The following C4orf36 variants were observed in gnomAD, a reference collection of about 807,000 sequenced individuals.
C4orf36 encodes the protein uncharacterized protein C4orf36.
Under a neutral mutation model 12.2 loss-of-function variants are expected in C4orf36, and 11 were observed. That is an observed-to-expected ratio of 0.90 (90% confidence interval 0.57 to 1.49). C4orf36 has a LOEUF of 1.49. C4orf36 is among the 40% of genes most tolerant of loss of function. The probability of loss-of-function intolerance (pLI) is 0.00; values close to 1 mark genes in which losing one functional copy is unlikely to be tolerated. For synonymous variants in C4orf36, 54 were observed against 51.3 expected (o/e 1.05, Z -0.22); for missense variants, 137 against 133.9 (o/e 1.02, Z -0.11).
chr4:86,880,481 G>A (rs995137074), intron 4 of C4orf36, among the ~76,000 whole-genome samples: 1 of 152,136 alleles, frequency 6.6e-6, no homozygotes, highest in African/African-American at 2.4e-5. Flanking sequence ...CAGGCCAGAA[G>A]GGAGTGAGGT....
At chr4:86,918,839 G>A in the C4orf36 span, among the ~76,000 whole-genome samples, 1 of 150,972 alleles carries the variant, frequency 6.6e-6, no homozygotes, top group East Asian at 1.9e-4. Context: ...GTGTGTGCAC[G>A]TGATATGGGG....
At chr4:86,920,013 A>G in the C4orf36 span, among the ~76,000 whole-genome samples, 1 of 152,212 alleles carries the variant, frequency 6.6e-6, no homozygotes, top group Non-Finnish European at 1.5e-5. Context: ...TGGGTGACAG[A>G]GCAAGATCCT....
chr4:86,905,532 G>A, the C4orf36 span, among the ~76,000 whole-genome samples: 1 of 152,112 alleles, frequency 6.6e-6, no homozygotes, highest in South Asian at 2.1e-4. Flanking sequence ...TAGCTTGGGT[G>A]ACAGAGCAAG....
chr4:86,914,098 A>G, the C4orf36 span: 1 of 1,607,664 alleles, frequency 6.2e-7, no homozygotes, highest in South Asian at 1.1e-5. Flanking sequence ...TTGCTCACCC[A>G]CCAGTCATTT....
At chr4:86,924,794 G>A in the C4orf36 span, 6 of 152,190 alleles carry the variant, frequency 3.9e-5, no homozygotes, top group Non-Finnish European at 7.3e-5. Flanking sequence ...TAACATATTT[G>A]TGTGCTAGCA....
chr4:86,934,019 CA>C, the C4orf36 span, among the ~76,000 whole-genome samples: 1 of 152,122 alleles, frequency 6.6e-6, no homozygotes, highest in African/African-American at 2.4e-5. Flanking sequence ...AAGAGTTGAG[CA>C]GAGCAGTAGA....
the C4orf36 span, among the ~76,000 whole-genome samples, chr4:86,919,149 A>AGAGAGAGAGAGAGAGAGAG: frequency 2.1e-5 from 3 of 140,206 alleles, no homozygotes; most frequent in African/African-American, 7.8e-5. Context: ...AGAGAGAGAG[A>AGAGAGAGAGAGAGAGAGAG]AATCCTTTTC....
intron 2 of C4orf36, chr4:86,890,206 G>GAA (rs765343192): frequency 6.0e-4 from 183 of 305,924 alleles, no homozygotes; most frequent in Non-Finnish European, 9.6e-4. Flanking sequence ...AGGGAGGGAG[G>GAA]GAGGAAGGAA....
At chr4:86,925,538 T>G in the C4orf36 span, 1 of 151,424 alleles carries the variant, frequency 6.6e-6, no homozygotes, top group Non-Finnish European at 1.5e-5. Flanking sequence ...ACAATTTGAA[T>G]GATAATTTAT....
At chr4:86,911,244 GAGA>G in the C4orf36 span, among the ~76,000 whole-genome samples, 1 of 152,312 alleles carries the variant, frequency 6.6e-6, no homozygotes, top group Middle Eastern at 3.4e-3. Context: ...CGGGATGGAG[GAGA>G]CTTACACTGG....
the C4orf36 span, chr4:86,934,591 A>C: frequency 6.6e-6 from 1 of 152,224 alleles, no homozygotes; most frequent in African/African-American, 2.4e-5. Flanking sequence ...GCCTTTTCTA[A>C]ATTGTAAAGC....
At chr4:86,930,833 C>T in the C4orf36 span, among the ~76,000 whole-genome samples, 3 of 152,120 alleles carry the variant, frequency 2.0e-5, no homozygotes, top group Non-Finnish European at 1.5e-5. Context: ...GCAAAGTATT[C>T]ATCACAAAAT....
At chr4:86,915,939 G>A in the C4orf36 span, among the ~76,000 whole-genome samples, 6 of 152,190 alleles carry the variant, frequency 3.9e-5, no homozygotes, top group Non-Finnish European at 8.8e-5. Flanking sequence ...GCTAGGAAGA[G>A]GGAATGAACA....
chr4:86,919,899 G>T, the C4orf36 span, among the ~76,000 whole-genome samples: 2 of 151,896 alleles, frequency 1.3e-5, no homozygotes, highest in African/African-American at 2.4e-5. Context: ...GCTGAGAGTG[G>T]GGGAGTAGCA....
intron 4 of C4orf36, among the ~76,000 whole-genome samples, chr4:86,885,700 T>C (rs1320427859): frequency 6.6e-6 from 1 of 152,228 alleles, no homozygotes; most frequent in Non-Finnish European, 1.5e-5. Flanking sequence ...TTCTTTCTCC[T>C]GCCTGATTGC....
the C4orf36 span, chr4:86,913,438 C>T: frequency 1.3e-6 from 1 of 750,190 alleles, no homozygotes; most frequent in Non-Finnish European, 2.4e-6. Context: ...AGTCGTGGCC[C>T]TCTTGTCCAT....
At chr4:86,895,158 A>G (rs1473529270), upstream of C4orf36, among the ~76,000 whole-genome samples, 1 of 151,854 alleles carries the variant, frequency 6.6e-6, no homozygotes, top group Non-Finnish European at 1.5e-5. Context: ...CAGAAAGTAG[A>G]AAAAAAACTT....
chr4:86,931,135 T>G, the C4orf36 span, among the ~76,000 whole-genome samples: 3 of 152,230 alleles, frequency 2.0e-5, no homozygotes, highest in Admixed American at 6.5e-5. Context: ...GCTTTGTAGG[T>G]TGGCATGTAG....
At chr4:86,880,164 T>C (rs1295485244) in intron 4 of C4orf36, among the ~76,000 whole-genome samples, 1 of 152,168 alleles carries the variant, frequency 6.6e-6, no homozygotes, top group Non-Finnish European at 1.5e-5. Context: ...TACCAGCAGA[T>C]TTTTTAGCAG....
Sources: allele counts gnomAD v4.1 joint callset (sites outside exome capture counted in the v4.1 genomes callset), GRCh38; gene constraint gnomAD v4.1.1; transcripts MANE v1.5; gene names NCBI Gene and HGNC (gene_info 2026-07-23, HGNC 2026-07-21).